SPEF2: variants seen among roughly 807,000 people sequenced by gnomAD.
SPEF2 encodes the protein sperm flagella and cilia-associated protein 2.
Under a neutral mutation model 224.6 loss-of-function variants are expected in SPEF2, and 187 were observed. That is an observed-to-expected ratio of 0.83 (90% confidence interval 0.74 to 0.94). The LOEUF (loss-of-function observed/expected upper bound fraction) is 0.94, where lower values mean the gene tolerates loss of function less well. Ranked by LOEUF, SPEF2 falls within the 40% of genes least tolerant of loss-of-function variation. The probability of loss-of-function intolerance (pLI) is 0.00; values close to 1 mark genes in which losing one functional copy is unlikely to be tolerated. For missense variants in SPEF2, 2,170 were observed against 2,135.6 expected, an observed-to-expected ratio of 1.02 and a Z score of -0.32; for synonymous variants, 715 against 707.3, an observed-to-expected ratio of 1.01 and a Z score of -0.17.
At chr5:35,690,518 C>T (rs988386188) in intron 10 of SPEF2, among the ~76,000 whole-genome samples, 3 of 152,030 alleles carry the variant, frequency 2.0e-5, no homozygotes, top group Non-Finnish European at 2.9e-5. Flanking sequence ...AATTATATTA[C>T]ATGGAAGTCA....
At chr5:35,781,934 G>A (rs1396035766) in intron 30 of SPEF2, among the ~76,000 whole-genome samples, 1 of 152,100 alleles carries the variant, frequency 6.6e-6, no homozygotes, top group Non-Finnish European at 1.5e-5. Context: ...TCACAGAATT[G>A]GAGGTTCTCT....
Position 35,718,159 on chromosome 5 carries a change from C to T in SPEF2, c.2914+5273C>T, listed in dbSNP as rs574609478. 4.1e-4 allele frequency among the ~76,000 whole-genome samples: 63 copies of T among 152,274 alleles called. 1 individual carries two copies. Among genetic ancestry groups the T allele is most frequent in the African/African-American group, 1.5e-3 (61 of 41,548 alleles). ...AGGGAGAGGTAGGCCAAAACCCCAACTGGTTAAAAAAACTCTACTCTTTTG... is the reference window on the plus strand; with the variant it reads ...AGGGAGAGGTAGGCCAAAACCCCAATTGGTTAAAAAAACTCTACTCTTTTG... On this transcript the variant is annotated intron_variant, in intron 20 of 36. Coordinates refer to ENST00000356031, the MANE Select transcript of SPEF2 (RefSeq NM_024867.4).
chr5:35,758,082 A>G (rs1169363540), intron 24 of SPEF2, among the ~76,000 whole-genome samples: 1 of 152,236 alleles, frequency 6.6e-6, no homozygotes, highest in African/African-American at 2.4e-5. Context: ...TGAACTGTGA[A>G]TATGGCAGTA....
intron 2 of SPEF2, among the ~76,000 whole-genome samples, chr5:35,640,992 G>C (rs1001723833): frequency 6.6e-6 from 1 of 152,144 alleles, no homozygotes; most frequent in African/African-American, 2.4e-5. Flanking sequence ...CGCTTTGTCT[G>C]TATGTATAAA....
intron 36 of SPEF2, among the ~76,000 whole-genome samples, chr5:35,810,723 G>A (rs985110323): frequency 2.6e-5 from 4 of 152,192 alleles, no homozygotes; most frequent in Non-Finnish European, 4.4e-5. Flanking sequence ...TTGATGCACA[G>A]TACCCCTCTG....
chr5:35,700,928 T>C (rs1738493300), intron 16 of SPEF2, among the ~76,000 whole-genome samples, 176 bp downstream of exon 16: 1 of 152,216 alleles, frequency 6.6e-6, no homozygotes, highest in Admixed American at 6.5e-5. Context: ...CATTCAGCGC[T>C]GTGGGCAAAG....
At chr5:35,649,013 C>CA (rs1254494736) in intron 5 of SPEF2, among the ~76,000 whole-genome samples, 1,274 of 78,896 alleles carry the variant, frequency 0.016, 20 homozygotes, top group African/African-American at 0.052. Context: ...GACTCCATCT[C>CA]AAAAAAAAAA....
chr5:35,740,120 T>A lies in SPEF2; in HGVS notation c.3192-9T>A. On this transcript the variant is annotated splice_polypyrimidine_tract_variant and intron_variant, in intron 22 of 36. Coordinates refer to ENST00000356031, the MANE Select transcript of SPEF2 (RefSeq NM_024867.4). ...TATAAAATTTATCTCATTCTATTAATGTCTACAGAACAAGTTTCCAGGAGT... is the reference window on the plus strand; with the variant it reads ...TATAAAATTTATCTCATTCTATTAAAGTCTACAGAACAAGTTTCCAGGAGT... 6.2e-7 allele frequency: 1 copy of A among 1,614,154 alleles called. No individual in the cohort carries two copies. The highest frequency in any genetic ancestry group is 8.5e-7 in the Non-Finnish European group (1 of 1,180,016).
chr5:35,670,030 T>TTCA, intron 9 of SPEF2, 29 bp from the exon 10 acceptor site: 1 of 1,543,768 alleles, frequency 6.5e-7, no homozygotes, highest in Non-Finnish European at 8.8e-7. Flanking sequence ...TAACCATTGA[T>TTCA]TCATCTCTAC....
intron 19 of SPEF2, chr5:35,710,959 C>A: frequency 1.1e-6 from 1 of 873,892 alleles, no homozygotes; most frequent in Non-Finnish European, 1.4e-6. Flanking sequence ...GCCACCCAAC[C>A]TTACTGTGAT....
chr5:35,641,862 A>G, intron 3 of SPEF2, 179 bp downstream of exon 3: 1 of 599,216 alleles, frequency 1.7e-6, no homozygotes, highest in South Asian at 2.3e-5. Flanking sequence ...GCCATTTTTG[A>G]TGTCTCTCTC....
intron 16 of SPEF2, among the ~76,000 whole-genome samples, chr5:35,703,943 T>C (rs1472526257): frequency 3.3e-5 from 5 of 152,178 alleles, no homozygotes; most frequent in Non-Finnish European, 5.9e-5. Context: ...AGTTCAAGGC[T>C]TTCTTTCCTC....
intron 18 of SPEF2, 39 bp from the exon 19 acceptor site, chr5:35,708,909 A>T: frequency 6.5e-7 from 1 of 1,529,740 alleles, no homozygotes; most frequent in Non-Finnish European, 8.9e-7. Flanking sequence ...AGATTTCTAG[A>T]GTCTCTAATG....
At chr5:35,638,801 G>A (rs1006915240) in intron 2 of SPEF2, among the ~76,000 whole-genome samples, 1 of 152,102 alleles carries the variant, frequency 6.6e-6, no homozygotes, top group Non-Finnish European at 1.5e-5. Flanking sequence ...TTTATTCTTT[G>A]TGCTCCAAGC....
intron 15 of SPEF2, chr5:35,699,571 A>G (rs1738156844): frequency 2.0e-5 from 3 of 152,160 alleles, no homozygotes; most frequent in Non-Finnish European, 2.9e-5. Flanking sequence ...TCAGGATACT[A>G]TGACTCTACA....
At chr5:35,697,110 A>T (rs1440788021) in intron 14 of SPEF2, among the ~76,000 whole-genome samples, 1 of 152,180 alleles carries the variant, frequency 6.6e-6, no homozygotes, top group Non-Finnish European at 1.5e-5. Context: ...TAAAATTCTT[A>T]CTCTGGTGGC....
chr5:35,729,442 A>T (rs1388264828), intron 21 of SPEF2, among the ~76,000 whole-genome samples: 3 of 152,208 alleles, frequency 2.0e-5, no homozygotes, highest in Non-Finnish European at 4.4e-5. Context: ...AAGAAGATGG[A>T]GGGCGAGGGA....
intron 20 of SPEF2, among the ~76,000 whole-genome samples, chr5:35,715,167 T>C (rs1742294409): frequency 6.6e-6 from 1 of 152,146 alleles, no homozygotes; most frequent in African/African-American, 2.4e-5. Flanking sequence ...TCTCCCCGCT[T>C]CAGCCTTCCA....
chr5:35,649,190 C>A (rs1747841769), intron 5 of SPEF2, among the ~76,000 whole-genome samples, 171 bp from the exon 6 acceptor site: 1 of 151,980 alleles, frequency 6.6e-6, no homozygotes, highest in African/African-American at 2.4e-5. Flanking sequence ...TTAGCCCAGT[C>A]TAAAAGCAAC....
Sources: allele counts gnomAD v4.1 joint callset (sites outside exome capture counted in the v4.1 genomes callset), GRCh38; gene constraint gnomAD v4.1.1; transcripts MANE v1.5; gene names NCBI Gene and HGNC (gene_info 2026-07-23, HGNC 2026-07-21).